The following SDK2 variants were observed in gnomAD, a reference collection of about 807,000 sequenced individuals.
SDK2 encodes the protein protein sidekick-2.
SDK2 carries 105 observed loss-of-function variants against 253.9 expected under a neutral mutation model. The ratio of observed to expected loss-of-function variants is 0.41; its 90% CI spans 0.35 to 0.49. SDK2 has a LOEUF of 0.49. Ranked by LOEUF, SDK2 falls within the 20% of genes least tolerant of loss-of-function variation. SDK2 has a pLI of 0.06. For synonymous variants in SDK2, 1,249 were observed against 1,234.9 expected (o/e 1.01, Z -0.24); for missense variants, 2,608 against 3,003.0 (o/e 0.87, Z 3.07).
chr17:73,482,795 G>A (rs1251555844), intron 2 of SDK2, among the ~76,000 whole-genome samples: 1 of 152,220 alleles, frequency 6.6e-6, no homozygotes, highest in African/African-American at 2.4e-5. Context: ...AGCCCAAGAC[G>A]GCTACTCCTC....
intron 1 of SDK2, among the ~76,000 whole-genome samples, chr17:73,636,913 T>C (rs2046339368): frequency 6.6e-6 from 1 of 152,136 alleles, no homozygotes. Flanking sequence ...ATGTGTATTA[T>C]CTCATTTAAG....
chr17:73,490,743 C>T (rs2063800676), intron 2 of SDK2, among the ~76,000 whole-genome samples: 1 of 151,722 alleles, frequency 6.6e-6, no homozygotes, highest in Admixed American at 6.6e-5. Flanking sequence ...CCATGCTGGT[C>T]TCGAACCCCT....
At chr17:73,410,080 C>T (rs2063113385) in intron 18 of SDK2, among the ~76,000 whole-genome samples, 1 of 152,150 alleles carries the variant, frequency 6.6e-6, no homozygotes, top group Non-Finnish European at 1.5e-5. Flanking sequence ...TCTCAAACTC[C>T]TGGGCTCAAG....
At chr17:73,479,582 C>T (rs2063708875) in intron 2 of SDK2, among the ~76,000 whole-genome samples, 1 of 152,182 alleles carries the variant, frequency 6.6e-6, no homozygotes, top group South Asian at 2.1e-4. Context: ...AACAATATAC[C>T]ATTATGCAAT....
Position 73,339,691 on chromosome 17 carries a change from C to A in SDK2, c.6166-751G>T, listed in dbSNP as rs557954941. On this transcript the variant is annotated intron_variant, in intron 44 of 44. Coordinates refer to ENST00000392650, the MANE Select transcript of SDK2 (RefSeq NM_001144952.2). ...ATGTCAGCCTTCTGAGTAGCCAGGA[C>A]TATGGGTGCATGCCACCACGCCCCA... 1.1e-4 allele frequency among the ~76,000 whole-genome samples: 17 copies of A among 151,276 alleles called. 1 individual carries two copies. The South Asian group carries it at 2.1e-3, about 19-fold the overall frequency.
chr17:73,402,174 C>G (rs1381592716), intron 18 of SDK2, 33 bp from the exon 19 acceptor site: 3 of 1,599,414 alleles, frequency 1.9e-6, no homozygotes, highest in Non-Finnish European at 2.6e-6. Flanking sequence ...CACAGGGCAG[C>G]AGGAAGGTTC....
chr17:73,498,110 G>A (rs961570390), intron 2 of SDK2, among the ~76,000 whole-genome samples: 5 of 152,182 alleles, frequency 3.3e-5, no homozygotes, highest in Admixed American at 2.6e-4. Flanking sequence ...TTCTACACAT[G>A]GGGGCCAGGA....
At chr17:73,464,916 A>G (rs553061605) in intron 3 of SDK2, among the ~76,000 whole-genome samples, 2 of 151,746 alleles carry the variant, frequency 1.3e-5, no homozygotes, top group Non-Finnish European at 2.9e-5. Context: ...TTCTCTTGCT[A>G]CTTTCTTCGA....
chr17:73,359,219 A>C (rs1675537923), intron 39 of SDK2, among the ~76,000 whole-genome samples: 2 of 151,932 alleles, frequency 1.3e-5, no homozygotes, highest in Admixed American at 6.5e-5. Flanking sequence ...AGCAGAGTCT[A>C]GCATCACACT....
intron 1 of SDK2, among the ~76,000 whole-genome samples, chr17:73,547,527 G>A (rs1219639088): frequency 7.9e-5 from 12 of 152,178 alleles, no homozygotes; most frequent in Admixed American, 7.2e-4. Flanking sequence ...GGTACAGATC[G>A]GGGGATGGGG....
At chr17:73,550,807 A>C (rs1291264390) in intron 1 of SDK2, among the ~76,000 whole-genome samples, 1 of 152,180 alleles carries the variant, frequency 6.6e-6, no homozygotes, top group Non-Finnish European at 1.5e-5. Context: ...GGCCTCTACC[A>C]TCCCTAGGCC....
At chr17:73,422,022 T>A (rs2063235785) in intron 15 of SDK2, among the ~76,000 whole-genome samples, 1 of 152,112 alleles carries the variant, frequency 6.6e-6, no homozygotes, top group Non-Finnish European at 1.5e-5. Context: ...GAGGTGAGCC[T>A]TTTTGCTTGC....
At chr17:73,543,042 G>A (rs1001242362) in intron 1 of SDK2, among the ~76,000 whole-genome samples, 2 of 152,288 alleles carry the variant, frequency 1.3e-5, no homozygotes, top group South Asian at 2.1e-4. Context: ...CCTCCAGGGC[G>A]CAGTTTCCTC....
chr17:73,632,443 G>A (rs1025510048), intron 1 of SDK2, among the ~76,000 whole-genome samples: 4 of 152,186 alleles, frequency 2.6e-5, no homozygotes, highest in Admixed American at 6.5e-5. Context: ...TTCAGCTTTC[G>A]AACTCTCAGA....
At chr17:73,346,221 A>AG (rs2062483041) in intron 44 of SDK2, among the ~76,000 whole-genome samples, 2 of 151,994 alleles carry the variant, frequency 1.3e-5, no homozygotes, top group Admixed American at 1.3e-4. Context: ...GAAAAAAAAA[A>AG]AAAAAGAAAA....
intron 1 of SDK2, among the ~76,000 whole-genome samples, chr17:73,561,173 G>T (rs2045227179): frequency 6.6e-6 from 1 of 152,186 alleles, no homozygotes; most frequent in Non-Finnish European, 1.5e-5. Flanking sequence ...CCAAGGGAGG[G>T]GCCAAGCGAG....
Position 73,440,916 on chromosome 17 carries a change from C to T in SDK2, c.621G>A (p.Gly207=), listed in dbSNP as rs2063410649. 6.5e-7 allele frequency: 1 copy of T among 1,549,848 alleles called. No homozygotes were observed. Among genetic ancestry groups the T allele is most frequent in the Non-Finnish European group, 8.7e-7 (1 of 1,145,680 alleles). Reference sequence around the variant, plus strand: ...TGGGTGCGATGGGGTCTGCAGGCCCCCCTACATCTGGAGAGAGATCAGATG... The same window carrying T: ...TGGGTGCGATGGGGTCTGCAGGCCCTCCTACATCTGGAGAGAGATCAGATG... ...QPITLTVENV[G]GPADPIAPTI... is the part of the protein sequence containing the mutation. The change falls in exon 6 of 45, where the codon GGG becomes GGA. Residue 207 remains glycine (G), a synonymous_variant. Transcript: ENST00000392650.
At chr17:73,573,947 T>C (rs2145871882) in intron 1 of SDK2, among the ~76,000 whole-genome samples, 1 of 152,254 alleles carries the variant, frequency 6.6e-6, no homozygotes, top group South Asian at 2.1e-4. Context: ...TCTGCCCCCT[T>C]CCAAATGTCA....
chr17:73,565,151 T>C (rs1237611402), intron 1 of SDK2, among the ~76,000 whole-genome samples: 1 of 152,032 alleles, frequency 6.6e-6, no homozygotes, highest in Non-Finnish European at 1.5e-5. Flanking sequence ...GAGGACAGAG[T>C]TTGCGGCAAC....
Sources: allele counts gnomAD v4.1 joint callset (sites outside exome capture counted in the v4.1 genomes callset), GRCh38; gene constraint gnomAD v4.1.1; transcripts MANE v1.5; gene names NCBI Gene and HGNC (gene_info 2026-07-23, HGNC 2026-07-21).